Variants in AFAP1 observed in about 807,000 individuals in gnomAD.
AFAP1 encodes the protein actin filament associated protein 1.
AFAP1 carries 75 observed loss-of-function variants against 93.9 expected under a neutral mutation model. The observed-to-expected ratio is 0.80, with a 90% CI of 0.66 to 0.97. AFAP1 has a LOEUF of 0.97. Ranked by LOEUF, AFAP1 falls within the 50% of genes least tolerant of loss-of-function variation. AFAP1 has a pLI of 0.00. For missense variants in AFAP1, 1,201 were observed against 1,050.8 expected (o/e 1.14, Z -1.98); for synonymous variants, 517 against 430.7 (o/e 1.20, Z -2.48).
At position 7,760,254 on chromosome 4, in the gene AFAP1, T is replaced by C. The variant is rs1275609247; in HGVS notation, c.*3511A>G. ...CACATTTTAGGGTAGTTTTTGTCTATTTAGAAATGGCCAGTAATAATTCTG... is the reference window on the plus strand; with the variant it reads ...CACATTTTAGGGTAGTTTTTGTCTACTTAGAAATGGCCAGTAATAATTCTG... On this transcript the variant is annotated 3_prime_UTR_variant, in exon 18 of 18. Transcript: ENST00000420658. 1 of 152,200 alleles carries C rather than the reference T, an allele frequency of 6.6e-6. No individual in the cohort carries two copies. The allele number at this position is 152,200 out of a possible 1,614,324, so 9.4% of individuals were successfully genotyped here.
chr4:7,816,619 T>A lies in AFAP1; in HGVS notation c.823-520A>T, dbSNP rs139880595. On this transcript the variant is annotated intron_variant, in intron 7 of 17. Transcript: ENST00000420658. ...GGAGGGGGATGGGGGACTGTCACTATCTCAGTCCTAACGTCTGGATTTAAT... is the reference window on the plus strand; with the variant it reads ...GGAGGGGGATGGGGGACTGTCACTAACTCAGTCCTAACGTCTGGATTTAAT... Among the ~76,000 whole-genome samples, 889 of 152,290 alleles carry A rather than the reference T, an allele frequency of 5.8e-3. 5 individuals are homozygous for A. The highest frequency in any genetic ancestry group is 0.02 in the African/African-American group (841 of 41,546).
At chr4:7,790,624 T>G (rs2149004088) in intron 11 of AFAP1, among the ~76,000 whole-genome samples, 1 of 151,526 alleles carries the variant, frequency 6.6e-6, no homozygotes, top group South Asian at 2.1e-4. Context: ...GTTGGGCAGA[T>G]TTTGCAAAAA....
intron 1 of AFAP1, among the ~76,000 whole-genome samples, chr4:7,889,886 A>G (rs1221432165): frequency 6.6e-6 from 1 of 151,704 alleles, no homozygotes; most frequent in African/African-American, 2.4e-5. Flanking sequence ...GGAGGACCAT[A>G]AATAAAAAGA....
At chr4:7,810,965 A>ACC (rs1178163233) in intron 8 of AFAP1, among the ~76,000 whole-genome samples, 1 of 152,176 alleles carries the variant, frequency 6.6e-6, no homozygotes, top group Non-Finnish European at 1.5e-5. Flanking sequence ...AGGGGCAGGG[A>ACC]TCAGGCAAGA....
intron 3 of AFAP1, among the ~76,000 whole-genome samples, chr4:7,857,771 A>G (rs1007399166): frequency 6.6e-6 from 1 of 152,216 alleles, no homozygotes; most frequent in Non-Finnish European, 1.5e-5. Flanking sequence ...TGTCCTGGAA[A>G]AGCACGACAA....
chr4:7,918,347 G>A (rs1176800196), intron 1 of AFAP1, among the ~76,000 whole-genome samples: 14 of 145,734 alleles, frequency 9.6e-5, no homozygotes. Flanking sequence ...AGGGCTGCCG[G>A]AAGAGACACT....
intron 3 of AFAP1, 145 bp downstream of exon 3, chr4:7,868,477 G>T: frequency 1.6e-6 from 1 of 644,388 alleles, no homozygotes; most frequent in Non-Finnish European, 2.5e-6. Flanking sequence ...CAGCTTCTCA[G>T]CCCTAGAAAT....
chr4:7,825,064 G>A (rs1721302564), intron 6 of AFAP1, among the ~76,000 whole-genome samples: 1 of 152,134 alleles, frequency 6.6e-6, no homozygotes, highest in African/African-American at 2.4e-5. Flanking sequence ...TAACCCTAAG[G>A]GGTAATACAA....
At position 7,769,151 on chromosome 4, in the gene AFAP1, G is replaced by T. The variant is rs1056686346; in HGVS notation, c.2254-143C>A. ...GCAGTAGCAGCAAGGACTGCCACGTGGTCAGTGCCTCACCCCCAGAGCGTC... is the reference window on the plus strand; with the variant it reads ...GCAGTAGCAGCAAGGACTGCCACGTTGTCAGTGCCTCACCCCCAGAGCGTC... On this transcript the variant is annotated intron_variant, in intron 16 of 17. Coordinates refer to ENST00000420658, the MANE Select transcript of AFAP1 (RefSeq NM_001134647.2). 78 of 1,117,834 alleles carry T rather than the reference G, an allele frequency of 7.0e-5. No individual in the cohort carries two copies. In the African/African-American group the frequency reaches 1.1e-3, roughly 16 times the overall value. 69.2% of individuals were successfully genotyped at this position (1,117,834 alleles called of 1,614,324 possible). A position where few individuals can be genotyped will look rare whatever the true frequency, so the allele number is the denominator to read the frequency against.
At chr4:7,773,430 C>G (rs1259901519) in intron 15 of AFAP1, 1 of 186,762 alleles carries the variant, frequency 5.4e-6, no homozygotes, top group Non-Finnish European at 1.1e-5. Context: ...AGTAGCTCAG[C>G]TTGCATCTCT....
chr4:7,819,136 G>C lies in AFAP1; in HGVS notation c.762C>G (p.Pro254=). ...IKEAYSGCSG[P]VDSECPPPPS... ...GTGGAGGAGGACACTCTGAATCCAC[G>C]GGGCCACTACAACCACTGTAGGCTT... Residue 254 remains proline, a synonymous_variant, in exon 7 of 18, where the codon CCC becomes CCG. Transcript: ENST00000420658. The C allele has an allele frequency of 6.2e-7, 1 of 1,613,646 alleles. No individual in the cohort carries two copies. Among genetic ancestry groups the C allele is most frequent in the Non-Finnish European group, 8.5e-7 (1 of 1,179,820 alleles).
At position 7,779,799 on chromosome 4, in the gene AFAP1, G is replaced by A. The variant is rs540899762; in HGVS notation, c.1783-923C>T. On this transcript the variant is annotated intron_variant, in intron 13 of 17. Transcript: ENST00000420658. ...AAGATCAGATGACGTGCCATACATG[G>A]ATAGAGCATATGGCACATAAGTGCT... 3.3e-5 allele frequency among the ~76,000 whole-genome samples: 5 copies of A among 152,312 alleles called. No individual in the cohort carries two copies. In the South Asian group the frequency reaches 1.0e-3, roughly 32 times the overall value.
Position 7,772,830 on chromosome 4 carries a change from G to A in AFAP1, c.2243C>T (p.Ser748Leu), listed in dbSNP as rs151145563. ...CAGAAGGACACACACCTGTGGACTC[G>A]ATGTCCCTGACTTGGGCTCGATGGC... is the stretch of plus-strand genomic sequence containing the variant. ...GLAIEPKSGTSSPQSPVFRHR... is the reference protein window; with the variant it reads ...GLAIEPKSGTLSPQSPVFRHR... The change falls in exon 16 of 18, where the codon TCG (serine) becomes TTG (leucine). Residue 748 changes from serine to leucine, a missense_variant. Physicochemically the swap from Ser to Leu is moderately radical, Grantham distance 145. Coordinates refer to ENST00000420658, the MANE Select transcript of AFAP1 (RefSeq NM_001134647.2). 1.2e-3 allele frequency: 1,973 copies of A among 1,613,876 alleles called. 5 individuals are homozygous for A. The highest frequency in any genetic ancestry group is 1.5e-3 in the Non-Finnish European group (1,759 of 1,179,948).
intron 6 of AFAP1, among the ~76,000 whole-genome samples, chr4:7,832,593 T>C (rs1711756266): frequency 6.6e-6 from 1 of 151,290 alleles, no homozygotes; most frequent in Non-Finnish European, 1.5e-5. Context: ...CCAATCTTCC[T>C]GATGAAGACA....
intron 6 of AFAP1, among the ~76,000 whole-genome samples, chr4:7,827,716 C>G (rs930966161): frequency 6.6e-6 from 1 of 151,776 alleles, no homozygotes; most frequent in African/African-American, 2.4e-5. Flanking sequence ...AAACCCACAC[C>G]ACCGCACTGA....
At chr4:7,792,807 C>G (rs1041993272) in intron 11 of AFAP1, among the ~76,000 whole-genome samples, 1 of 152,180 alleles carries the variant, frequency 6.6e-6, no homozygotes, top group Non-Finnish European at 1.5e-5. Context: ...ATTTTTACTG[C>G]TTCCTCAAGG....
At position 7,793,712 on chromosome 4, in the gene AFAP1, T is replaced by G. The variant is rs760384805; in HGVS notation, c.1381A>C (p.Ser461Arg). 13 of 1,573,394 alleles carry G rather than the reference T, an allele frequency of 8.3e-6. No individual in the cohort carries two copies. The highest frequency in any genetic ancestry group is 1.0e-5 in the Non-Finnish European group (12 of 1,148,578). The change falls in exon 11 of 18, where the codon AGT becomes CGT. Residue 461 changes from serine to arginine, a missense_variant. Ser to Arg is a moderately radical substitution (Grantham distance 110). Transcript: ENST00000420658. ...GTCTGTTTGGCTGTCTGAATGACACTTGCAGACATCTCCACATCAATGTAG... is the reference window on the plus strand; with the variant it reads ...GTCTGTTTGGCTGTCTGAATGACACGTGCAGACATCTCCACATCAATGTAG... ...YDYIDVEMSA[S>R]VIQTAKQTFC...
intron 3 of AFAP1, among the ~76,000 whole-genome samples, chr4:7,861,109 A>G (rs946457621): frequency 2.0e-5 from 3 of 152,216 alleles, no homozygotes; most frequent in Non-Finnish European, 4.4e-5. Context: ...CTTTAATTTT[A>G]TATCTACAGT....
At chr4:7,790,621 A>G (rs1033998897) in intron 11 of AFAP1, among the ~76,000 whole-genome samples, 4 of 151,600 alleles carry the variant, frequency 2.6e-5, no homozygotes, top group Non-Finnish European at 4.4e-5. Context: ...CTAGTTGGGC[A>G]GATTTTGCAA....
Sources: allele counts gnomAD v4.1 joint callset (sites outside exome capture counted in the v4.1 genomes callset), GRCh38; gene constraint gnomAD v4.1.1; transcripts MANE v1.5; gene names NCBI Gene and HGNC (gene_info 2026-07-23, HGNC 2026-07-21).